Variants in COL6A2 observed in about 807,000 individuals in gnomAD.
The protein encoded by COL6A2 is collagen alpha-2(VI) chain.
Under a neutral mutation model 124.9 loss-of-function variants are expected in COL6A2, and 90 were observed. The ratio of observed to expected loss-of-function variants is 0.72; its 90% CI spans 0.61 to 0.86. The LOEUF (loss-of-function observed/expected upper bound fraction) is 0.86, where lower values mean the gene tolerates loss of function less well. Among genes scored for constraint, COL6A2 ranks in the 40% least tolerant of loss-of-function variants. The pLI, the probability that COL6A2 is intolerant of heterozygous loss-of-function variation, is 0.00. For synonymous variants in COL6A2, 793 were observed against 618.2 expected, an observed-to-expected ratio of 1.28 and a Z score of -4.19; for missense variants, 1,607 against 1,502.5, an observed-to-expected ratio of 1.07 and a Z score of -1.15.
chr21:46,119,433 T>C (rs539636259), intron 14 of COL6A2, among the ~76,000 whole-genome samples: 63 of 152,294 alleles, frequency 4.1e-4, no homozygotes, highest in Middle Eastern at 6.8e-3. Context: ...TGTCTGAGCA[T>C]GGGGCCTGCC....
At chr21:46,123,061 AC>A in intron 21 of COL6A2, 124 bp downstream of exon 21, 7 of 929,136 alleles carry the variant, frequency 7.5e-6, no homozygotes, top group East Asian at 2.5e-5. Flanking sequence ...CATGAGCACC[AC>A]CCCCACCTTC....
At chr21:46,122,804 T>C in intron 20 of COL6A2, 71 bp from the exon 21 acceptor site, 1 of 1,481,164 alleles carries the variant, frequency 6.8e-7, no homozygotes, top group Admixed American at 1.7e-5. Flanking sequence ...TTTTTCCACA[T>C]AAAAATCTCA....
chr21:46,131,993 T>G lies in COL6A2; in HGVS notation c.2501T>G (p.Ile834Ser), dbSNP rs2078766287. 1 of 1,609,926 alleles carries G rather than the reference T, an allele frequency of 6.2e-7. No homozygotes were observed. Among genetic ancestry groups the G allele is most frequent in the Admixed American group, 1.7e-5 (1 of 59,930 alleles). ...CAGTGCACGCAGCGGCCCGTGGACA[T>G]CGTCTTCCTGCTGGACGGCTCCGAG... is the stretch of plus-strand genomic sequence containing the variant. The part of the protein sequence containing the change: ...VAQCTQRPVD[I>S]VFLLDGSERL... The change falls in exon 28 of 28, where the codon ATC becomes AGC. Residue 834 changes from isoleucine to serine, a missense_variant. Coordinates refer to ENST00000300527, the MANE Select transcript of COL6A2 (RefSeq NM_001849.4).
chr21:46,106,380 C>G (rs1228047730), intron 1 of COL6A2, among the ~76,000 whole-genome samples: 5 of 152,168 alleles, frequency 3.3e-5, no homozygotes, highest in African/African-American at 4.8e-5. Context: ...CAGCTATTAG[C>G]TGAGTGCCCT....
intron 23 of COL6A2, 82 bp from the exon 24 acceptor site, chr21:46,125,184 C>T (rs548451810): frequency 2.1e-5 from 29 of 1,376,338 alleles, no homozygotes; most frequent in African/African-American, 7.1e-5. Context: ...TGGAATGTCC[C>T]GGGACCCCCA....
In COL6A2 at chr21:46,117,307, C is replaced by T. The variant is rs543476836; in HGVS notation, c.1000-93C>T. ...CCAGGAGGAGAGCGCTGCAGCCCTG[C>T]GGGGCAGAACCGGGTGGGCTGTGTC... On this transcript the variant is annotated intron_variant, in intron 10 of 27. Transcript: ENST00000300527. The T allele has an allele frequency of 1.2e-4, 152 of 1,291,664 alleles. No homozygotes were observed. The East Asian group carries it at 1.9e-3, about 16-fold the overall frequency. The allele number at this position is 1,291,664 out of a possible 1,614,324, so 80.0% of individuals were successfully genotyped here.
intron 19 of COL6A2, 62 bp from the exon 20 acceptor site, chr21:46,122,434 A>G (rs2078581048): frequency 6.2e-7 from 1 of 1,606,712 alleles, no homozygotes; most frequent in Non-Finnish European, 8.5e-7. Context: ...AAAGCTGCCC[A>G]GAGGGAGGAA....
At position 46,121,243 on chromosome 21, in the gene COL6A2, G is replaced by A. The variant is rs2078561477; in HGVS notation, c.1458+120G>A. ...TAGCAAACCCAGGCAGCAGAGCCTGGCCTCAGAAGCCAGGACCTGCTCCCC... is the reference window on the plus strand; with the variant it reads ...TAGCAAACCCAGGCAGCAGAGCCTGACCTCAGAAGCCAGGACCTGCTCCCC... On this transcript the variant is annotated intron_variant, in intron 17 of 27. Transcript: ENST00000300527. 6.0e-6 allele frequency: 6 copies of A among 1,000,424 alleles called. No homozygotes were observed. In the Admixed American group the frequency reaches 1.2e-4, roughly 19 times the overall value. 62.0% of individuals were successfully genotyped at this position (1,000,424 alleles called of 1,614,324 possible).
rs1601214900 is a variant in COL6A2, at chr21:46,111,331, T to G, written c.-27-119T>G. On this transcript the variant is annotated intron_variant, in intron 1 of 27. Coordinates refer to ENST00000300527, the MANE Select transcript of COL6A2 (RefSeq NM_001849.4). ...TGTGCTGGGCGCAGACCCCGCTTCC[T>G]TGAAGACTGAGGGCAGTGCCCCCAA... 14 of 634,370 alleles carry G rather than the reference T, an allele frequency of 2.2e-5. No individual in the cohort carries two copies. In the East Asian group the frequency reaches 3.9e-4, roughly 18 times the overall value. 39.3% of individuals were successfully genotyped at this position (634,370 alleles called of 1,614,324 possible).
rs545924386 is a variant in COL6A2 at position 46,120,372 on chromosome 21, C to T, written c.1333-143C>T. ...GGGAAGGAGCTATGGGTGAAACAGG[C>T]GACTGTTGCAGGTCCCCCGGGACAG... is the stretch of plus-strand genomic sequence containing the variant. On this transcript the variant is annotated intron_variant, in intron 15 of 27. Transcript: ENST00000300527. 4.1e-4 allele frequency: 274 copies of T among 666,638 alleles called. 3 individuals are homozygous for T. In the South Asian group the frequency reaches 4.8e-3, roughly 12 times the overall value. The allele number at this position is 666,638 out of a possible 1,614,324, so 41.3% of individuals were successfully genotyped here.
In COL6A2 at chr21:46,132,637, A is replaced by C; in HGVS notation, c.*85A>C. On this transcript the variant is annotated 3_prime_UTR_variant, in exon 28 of 28. Coordinates refer to ENST00000300527, the MANE Select transcript of COL6A2 (RefSeq NM_001849.4). The stretch of plus-strand genomic sequence containing the variant: ...CGGGCCCGGGTCCCACACGGCCAGC[A>C]CCGCTGCTCACTCGGACGACGCCCT... The C allele has an allele frequency of 7.5e-7, 1 of 1,329,144 alleles. No individual in the cohort carries two copies. The highest frequency in any genetic ancestry group is 1.2e-5 in the South Asian group (1 of 80,042). 82.3% of individuals were successfully genotyped at this position (1,329,144 alleles called of 1,614,324 possible).
At position 46,125,824 on chromosome 21, in the gene COL6A2, C is replaced by T. The variant is rs886042884; in HGVS notation, c.2009C>T (p.Thr670Ile). Residue 670 changes from threonine to isoleucine, a missense_variant, in exon 26 of 28, where the codon ACC (threonine) becomes ATC (isoleucine). Physicochemically the swap from Thr to Ile is moderately conservative, Grantham distance 89. Transcript: ENST00000300527. ...VGVVQYSHEG[T>I]FEAIQLDDER... Reference sequence around the variant, plus strand: ...GTGGTGCAGTACAGCCACGAGGGCACCTTTGAGGCCATCCAGCTGGACGAC... The same window carrying T: ...GTGGTGCAGTACAGCCACGAGGGCATCTTTGAGGCCATCCAGCTGGACGAC... The T allele has an allele frequency of 6.2e-7, 1 of 1,612,722 alleles. No homozygotes were observed. The highest frequency in any genetic ancestry group is 8.5e-7 in the Non-Finnish European group (1 of 1,179,916).
intron 1 of COL6A2, among the ~76,000 whole-genome samples, chr21:46,102,058 T>C (rs2078293997): frequency 1.3e-5 from 2 of 152,126 alleles, no homozygotes; most frequent in South Asian, 4.1e-4. Context: ...TTTTTTTAAA[T>C]GTCCTCTTCA....
At chr21:46,102,737 T>C (rs1027010980) in intron 1 of COL6A2, among the ~76,000 whole-genome samples, 2 of 152,070 alleles carry the variant, frequency 1.3e-5, no homozygotes, top group African/African-American at 4.8e-5. Flanking sequence ...GAACTATCCT[T>C]GCACTCCAGA....
At chr21:46,129,615 TC>T in intron 27 of COL6A2, 1 of 1,431,984 alleles carries the variant, frequency 7.0e-7, no homozygotes. Flanking sequence ...GGGGCTACAG[TC>T]CTTCCAGGGG....
At chr21:46,127,316 C>G (rs889731721) in intron 27 of COL6A2, among the ~76,000 whole-genome samples, 3 of 152,096 alleles carry the variant, frequency 2.0e-5, no homozygotes, top group Non-Finnish European at 1.5e-5. Context: ...TTCCTCAGCA[C>G]GCGGGTCGCG....
intron 1 of COL6A2, among the ~76,000 whole-genome samples, chr21:46,099,310 G>T (rs1387997880): frequency 6.6e-6 from 1 of 152,044 alleles, no homozygotes; most frequent in Admixed American, 6.5e-5. Flanking sequence ...AAAAAAATTA[G>T]CCGGGCGTGG....
Position 46,125,395 on chromosome 21 carries a change from CT to C in COL6A2, c.1817-69del. The C allele has an allele frequency of 2.5e-6, 4 of 1,607,222 alleles. No individual in the cohort carries two copies. In the African/African-American group the frequency reaches 5.3e-5, roughly 21 times the overall value. The stretch of plus-strand genomic sequence containing the variant: ...AGCAGGGCTGGGTCATCGCTGGGTC[CT>C]GCATGTGCACGTGACCCTAGGGTCT... On this transcript the variant is annotated intron_variant, in intron 24 of 27. Coordinates refer to ENST00000300527, the MANE Select transcript of COL6A2 (RefSeq NM_001849.4).
At chr21:46,117,628 C>A in intron 11 of COL6A2, 175 bp downstream of exon 11, 1 of 774,576 alleles carries the variant, frequency 1.3e-6, no homozygotes, top group Non-Finnish European at 2.2e-6. Flanking sequence ...TGAGGAACTC[C>A]CCCTGGGAGC....
Sources: gnomAD v4.1 joint callset for allele counts (sites outside exome capture counted in the v4.1 genomes callset) on GRCh38, gnomAD v4.1.1 for gene constraint, MANE v1.5 for transcripts, NCBI Gene and HGNC (gene_info 2026-07-23, HGNC 2026-07-21) for gene names.